Variants in EPC2 observed in about 807,000 individuals in gnomAD.
EPC2 encodes enhancer of polycomb homolog 2.
A neutral mutation model predicts 92.1 loss-of-function variants in EPC2; 14 were observed. The ratio of observed to expected loss-of-function variants is 0.15; its 90% CI spans 0.10 to 0.24. The LOEUF is 0.24. Ranked by LOEUF, EPC2 falls within the 10% of genes least tolerant of loss-of-function variation. The pLI, the probability that EPC2 is intolerant of heterozygous loss-of-function variation, is 1.00. For missense variants in EPC2, 755 were observed against 971.5 expected, an observed-to-expected ratio of 0.78 and a Z score of 2.96; for synonymous variants, 340 against 334.7, an observed-to-expected ratio of 1.02 and a Z score of -0.17.
At chr2:148,702,258 A>G (rs1269792773) in intron 2 of EPC2, among the ~76,000 whole-genome samples, 1 of 152,222 alleles carries the variant, frequency 6.6e-6, no homozygotes, top group Admixed American at 6.5e-5. Flanking sequence ...AAAACAGAAA[A>G]TCAAAATCTT....
rs370349889 is a variant in EPC2 at position 148,738,284 on chromosome 2, T to C, written c.314-5338T>C. Among the ~76,000 whole-genome samples the C allele has an allele frequency of 3.3e-4, 51 of 152,298 alleles. 1 individual carries two copies. In the East Asian group the frequency reaches 8.7e-3, roughly 26 times the overall value. On this transcript the variant is annotated intron_variant, in intron 2 of 13. Coordinates refer to ENST00000258484, the MANE Select transcript of EPC2 (RefSeq NM_015630.4). Reference sequence around the variant, plus strand: ...CAGGTACACTTTAAACCCTGGCTGTTTGAGAGCCAGTTGCTCATCTGTGAT... The same window carrying C: ...CAGGTACACTTTAAACCCTGGCTGTCTGAGAGCCAGTTGCTCATCTGTGAT...
rs978212003 is a variant in EPC2, at chr2:148,742,576, T to A, written c.314-1046T>A. Among the ~76,000 whole-genome samples, 7 of 151,232 alleles carry A rather than the reference T, an allele frequency of 4.6e-5. No individual in the cohort carries two copies. The South Asian group carries it at 1.5e-3, about 32-fold the overall frequency. ...CAGACAGATCGCTTGAGCCCAGGAG[T>A]TCCAGACAAGCCTGGGCAACATGGG... On this transcript the variant is annotated intron_variant, in intron 2 of 13. Transcript: ENST00000258484.
intron 2 of EPC2, among the ~76,000 whole-genome samples, chr2:148,723,033 G>T (rs1211609919): frequency 6.6e-6 from 1 of 152,178 alleles, no homozygotes; most frequent in Non-Finnish European, 1.5e-5. Flanking sequence ...CAGGGTGGAG[G>T]ATGGAAGGAG....
At chr2:148,743,475 T>A (rs368882282) in intron 2 of EPC2, 147 bp from the exon 3 acceptor site, 375 of 530,382 alleles carry the variant, frequency 7.1e-4, no homozygotes, top group African/African-American at 6.4e-3. Flanking sequence ...GTGCAGTAAG[T>A]CTCTGAAATT....
intron 2 of EPC2, among the ~76,000 whole-genome samples, chr2:148,708,392 C>G (rs1682055582): frequency 2.0e-5 from 3 of 152,290 alleles, no homozygotes; most frequent in Middle Eastern, 3.4e-3. Flanking sequence ...CAGACGGATT[C>G]ACGGCTGAAT....
At chr2:148,654,691 G>A (rs142584726) in intron 1 of EPC2, among the ~76,000 whole-genome samples, 19 of 152,202 alleles carry the variant, frequency 1.2e-4, no homozygotes, top group Middle Eastern at 3.4e-3. Context: ...AAAAGAGAGA[G>A]CGCTTTCAAA....
intron 2 of EPC2, among the ~76,000 whole-genome samples, chr2:148,700,746 T>G (rs543523671): frequency 6.6e-6 from 1 of 151,888 alleles, no homozygotes; most frequent in Non-Finnish European, 1.5e-5. Context: ...GCCTTTTTTC[T>G]TCTTTACTCT....
chr2:148,645,827 C>T lies in EPC2; in HGVS notation c.153+657C>T, dbSNP rs543583058. On this transcript the variant is annotated intron_variant, in intron 1 of 13. Coordinates refer to ENST00000258484, the MANE Select transcript of EPC2 (RefSeq NM_015630.4). ...GCGCGGGGCGGACGGGCTCTGCCTG[C>T]TCCGCCTGGACGGCCGTGCTCCGTG... Among the ~76,000 whole-genome samples, 781 of 152,296 alleles carry T rather than the reference C, an allele frequency of 5.1e-3. 8 individuals are homozygous for T. Among genetic ancestry groups the T allele is most frequent in the African/African-American group, 0.018 (746 of 41,566 alleles).
At chr2:148,654,250 AT>A (rs1317861773) in intron 1 of EPC2, among the ~76,000 whole-genome samples, 2 of 152,134 alleles carry the variant, frequency 1.3e-5, no homozygotes, top group Non-Finnish European at 2.9e-5. Context: ...CCCGGCCAAG[AT>A]TACATTTTTT....
intron 1 of EPC2, among the ~76,000 whole-genome samples, chr2:148,664,474 G>T (rs918814505): frequency 6.6e-6 from 1 of 152,182 alleles, no homozygotes; most frequent in African/African-American, 2.4e-5. Context: ...CTCCAGCCAG[G>T]GCGACAGAGT....
At chr2:148,753,068 G>A (rs1385772051) in intron 3 of EPC2, among the ~76,000 whole-genome samples, 1 of 152,130 alleles carries the variant, frequency 6.6e-6, no homozygotes, top group Non-Finnish European at 1.5e-5. Flanking sequence ...GCTGTAAATG[G>A]ATATGTGTAA....
At position 148,645,182 on chromosome 2, in the gene EPC2, A is replaced by G; in HGVS notation, c.153+12A>G. 1.3e-6 allele frequency: 2 copies of G among 1,590,300 alleles called. No individual in the cohort carries two copies. The highest frequency in any genetic ancestry group is 4.7e-5 in the East Asian group (2 of 42,988). On this transcript the variant is annotated intron_variant, in intron 1 of 13. Transcript: ENST00000258484. ...AGGAGGAGGAATCGGTAGGGACTCGAGTGTTTATTACCCCCCCTTCCCTCC... is the reference window on the plus strand; with the variant it reads ...AGGAGGAGGAATCGGTAGGGACTCGGGTGTTTATTACCCCCCCTTCCCTCC...
intron 1 of EPC2, among the ~76,000 whole-genome samples, chr2:148,671,086 G>A (rs1681144047): frequency 6.6e-6 from 1 of 152,134 alleles, no homozygotes; most frequent in Non-Finnish European, 1.5e-5. Flanking sequence ...TGATATATAG[G>A]TTTAAGATCA....
intron 1 of EPC2, among the ~76,000 whole-genome samples, chr2:148,647,902 T>A (rs1224276155): frequency 6.6e-6 from 1 of 152,236 alleles, no homozygotes; most frequent in African/African-American, 2.4e-5. Context: ...AGTGCTGGGA[T>A]TGCAGGCGTG....
At chr2:148,681,083 T>C (rs1681383719) in intron 1 of EPC2, among the ~76,000 whole-genome samples, 2 of 152,198 alleles carry the variant, frequency 1.3e-5, no homozygotes, top group South Asian at 4.1e-4. Context: ...CATGAGCTTA[T>C]GGTGTGCCAG....
At chr2:148,691,467 T>TCAC in intron 2 of EPC2, 1 of 1,512,858 alleles carries the variant, frequency 6.6e-7, no homozygotes, top group South Asian at 1.2e-5. Flanking sequence ...TTCTGAAACA[T>TCAC]CACCAGCTTT....
intron 2 of EPC2, among the ~76,000 whole-genome samples, chr2:148,737,882 T>A (rs1373348387): frequency 6.6e-6 from 1 of 152,006 alleles, no homozygotes; most frequent in East Asian, 1.9e-4. Flanking sequence ...TGAGCCACAT[T>A]CAAAGCTGTC....
At chr2:148,735,843 A>AT (rs1682742102) in intron 2 of EPC2, among the ~76,000 whole-genome samples, 1 of 151,902 alleles carries the variant, frequency 6.6e-6, no homozygotes, top group African/African-American at 2.4e-5. Flanking sequence ...AAGTGATCTC[A>AT]TTTATCTTAC....
chr2:148,710,965 A>T (rs1682129036), intron 2 of EPC2, among the ~76,000 whole-genome samples: 1 of 152,108 alleles, frequency 6.6e-6, no homozygotes, highest in Non-Finnish European at 1.5e-5. Flanking sequence ...GATATCCTCC[A>T]CTATATTTCA....
Sources: allele counts gnomAD v4.1 joint callset (sites outside exome capture counted in the v4.1 genomes callset), GRCh38; gene constraint gnomAD v4.1.1; transcripts MANE v1.5; gene names NCBI Gene and HGNC (gene_info 2026-07-23, HGNC 2026-07-21).